The following FREM3 variants were observed in gnomAD, a reference collection of about 807,000 sequenced individuals.
The protein encoded by FREM3 is FRAS1-related extracellular matrix protein 3.
FREM3 carries 105 observed loss-of-function variants against 129.1 expected under a neutral mutation model. That is an observed-to-expected ratio of 0.81 (90% CI 0.69 to 0.96). The LOEUF (loss-of-function observed/expected upper bound fraction) is 0.96, where lower values mean the gene tolerates loss of function less well. Among genes scored for constraint, FREM3 ranks in the 40% least tolerant of loss-of-function variants. The probability of loss-of-function intolerance (pLI) is 0.00; values close to 1 mark genes in which losing one functional copy is unlikely to be tolerated. For synonymous variants in FREM3, 1,014 were observed against 1,044.9 expected (o/e 0.97, Z 0.57); for missense variants, 2,593 against 2,666.3 (o/e 0.97, Z 0.61).
At chr4:143,643,346 G>A (rs1229238590) in intron 2 of FREM3, among the ~76,000 whole-genome samples, 2 of 152,122 alleles carry the variant, frequency 1.3e-5, no homozygotes, top group Admixed American at 1.3e-4. Context: ...ATTTACAATA[G>A]CCAAGATATT....
chr4:143,601,272 T>C (rs1738567649), intron 6 of FREM3, among the ~76,000 whole-genome samples: 1 of 152,198 alleles, frequency 6.6e-6, no homozygotes, highest in African/African-American at 2.4e-5. Context: ...GACACTTTGT[T>C]TATGCACAAT....
In FREM3 at chr4:143,700,273, CG is replaced by C. The variant is rs1740671838; in HGVS notation, c.402del (p.Gly135AspfsTer36). 7.2e-6 allele frequency: 11 copies of C among 1,536,248 alleles called. No individual in the cohort carries two copies. Among genetic ancestry groups the C allele is most frequent in the Non-Finnish European group, 9.6e-6 (11 of 1,146,758 alleles). On this transcript the variant is annotated frameshift_variant, in exon 1 of 8. Transcript: ENST00000329798. LOFTEE classifies it high-confidence loss of function. The stretch of plus-strand genomic sequence containing the variant: ...AGCTGCAGCAGCACCCGGGCGCGTC[CG>C]GGGCTGTGGGAGCCGAAGTGAGTGT... The part of the protein sequence containing the change: ...VQYTHFGSHS[P>X]GRARVLLQLR...
At chr4:143,675,342 C>T (rs367662522) in intron 2 of FREM3, among the ~76,000 whole-genome samples, 12 of 151,998 alleles carry the variant, frequency 7.9e-5, no homozygotes, top group East Asian at 3.9e-4. Context: ...TTGAAACCAA[C>T]GAGAACAAAG....
intron 2 of FREM3, among the ~76,000 whole-genome samples, chr4:143,681,963 T>C (rs1740259240): frequency 6.6e-6 from 1 of 152,174 alleles, no homozygotes; most frequent in South Asian, 2.1e-4. Flanking sequence ...TTTTGTCTAC[T>C]TGTTGGATGT....
chr4:143,601,709 A>T (rs1407810536), intron 6 of FREM3: 1 of 152,190 alleles, frequency 6.6e-6, no homozygotes, highest in Non-Finnish European at 1.5e-5. Flanking sequence ...CTCCACTCTC[A>T]TGGAGCTGAT....
At chr4:143,629,680 T>A (rs1739105082) in intron 2 of FREM3, among the ~76,000 whole-genome samples, 1 of 152,208 alleles carries the variant, frequency 6.6e-6, no homozygotes, top group Non-Finnish European at 1.5e-5. Flanking sequence ...TTTTTGTGTC[T>A]TTTTCATAGT....
At chr4:143,652,837 C>T (rs1268340771) in intron 2 of FREM3, among the ~76,000 whole-genome samples, 1 of 152,080 alleles carries the variant, frequency 6.6e-6, no homozygotes, top group African/African-American at 2.4e-5. Context: ...CCATGTTGGC[C>T]AGGCTAGTCT....
At chr4:143,640,813 C>G (rs892359236) in intron 2 of FREM3, among the ~76,000 whole-genome samples, 1 of 152,030 alleles carries the variant, frequency 6.6e-6, no homozygotes, top group African/African-American at 2.4e-5. Flanking sequence ...GTGAACCAAT[C>G]TTTAAGTTAT....
At chr4:143,598,519 C>A (rs530479062) in intron 6 of FREM3, among the ~76,000 whole-genome samples, 2 of 152,088 alleles carry the variant, frequency 1.3e-5, no homozygotes, top group African/African-American at 4.8e-5. Context: ...TCTGTGCATG[C>A]CCCAGAAAAG....
intron 2 of FREM3, among the ~76,000 whole-genome samples, chr4:143,642,814 C>T (rs888667806): frequency 6.6e-6 from 1 of 150,934 alleles, no homozygotes; most frequent in Non-Finnish European, 1.5e-5. Flanking sequence ...CATGCTTTTG[C>T]ACAGCAAAGG....
At chr4:143,663,923 C>T (rs574157991) in intron 2 of FREM3, among the ~76,000 whole-genome samples, 123 of 152,242 alleles carry the variant, frequency 8.1e-4, no homozygotes, top group African/African-American at 2.9e-3. Flanking sequence ...CGAGCCTTGG[C>T]TTTCAGCTCC....
In FREM3 at chr4:143,694,363, A is replaced by G. The variant is rs570944312; in HGVS notation, c.5185+1128T>C. 5.3e-5 allele frequency among the ~76,000 whole-genome samples: 8 copies of G among 152,340 alleles called. No homozygotes were observed. In the East Asian group the frequency reaches 1.5e-3, roughly 29 times the overall value. On this transcript the variant is annotated intron_variant, in intron 1 of 7. Coordinates refer to ENST00000329798, the MANE Select transcript of FREM3 (RefSeq NM_001168235.2). ...ATGAACTACTTGTCAAAATGAATTT[A>G]AACAAGAATAATTACTGCATCCTAA...
intron 2 of FREM3, among the ~76,000 whole-genome samples, chr4:143,687,477 A>G (rs1293299527): frequency 6.6e-6 from 1 of 152,208 alleles, no homozygotes; most frequent in African/African-American, 2.4e-5. Context: ...ATTCCACAAG[A>G]TAGAGAAAAA....
chr4:143,661,389 AT>A (rs1739720512), intron 2 of FREM3, among the ~76,000 whole-genome samples: 1 of 152,058 alleles, frequency 6.6e-6, no homozygotes, highest in African/African-American at 2.4e-5. Context: ...GCTGGATTAC[AT>A]TTATTGATTT....
intron 2 of FREM3, among the ~76,000 whole-genome samples, chr4:143,639,047 G>C (rs72723190): frequency 2.0e-5 from 3 of 152,064 alleles, no homozygotes; most frequent in Admixed American, 6.6e-5. Flanking sequence ...GCTATGTAAG[G>C]ATCCTTCTGT....
At chr4:143,680,309 T>C (rs991826597) in intron 2 of FREM3, among the ~76,000 whole-genome samples, 4 of 151,706 alleles carry the variant, frequency 2.6e-5, no homozygotes, top group African/African-American at 9.7e-5. Context: ...TATCACAATG[T>C]AATCTCCTTT....
chr4:143,607,133 C>T (rs1560842498), intron 6 of FREM3, among the ~76,000 whole-genome samples: 1 of 152,124 alleles, frequency 6.6e-6, no homozygotes, highest in African/African-American at 2.4e-5. Context: ...GGAACTAATA[C>T]ATTAATAAAT....
At chr4:143,632,165 C>T (rs1739151315) in intron 2 of FREM3, among the ~76,000 whole-genome samples, 1 of 151,960 alleles carries the variant, frequency 6.6e-6, no homozygotes, top group Admixed American at 6.6e-5. Context: ...CTGTTATATG[C>T]TATTGACTCT....
intron 6 of FREM3, among the ~76,000 whole-genome samples, chr4:143,591,606 A>T (rs1206197052): frequency 6.6e-6 from 1 of 152,148 alleles, no homozygotes; most frequent in African/African-American, 2.4e-5. Context: ...TCTGAGAGAC[A>T]GTTTGTTATA....
Sources: gnomAD v4.1 joint callset for allele counts (sites outside exome capture counted in the v4.1 genomes callset) on GRCh38, gnomAD v4.1.1 for gene constraint, MANE v1.5 for transcripts, NCBI Gene and HGNC (gene_info 2026-07-23, HGNC 2026-07-21) for gene names.